The following MAP3K4 variants were observed in gnomAD, a reference collection of about 807,000 sequenced individuals.
The protein encoded by MAP3K4 is mitogen-activated protein kinase kinase kinase 4.
MAP3K4 carries 67 observed loss-of-function variants against 185.6 expected under a neutral mutation model. The observed-to-expected ratio is 0.36, with a 90% CI of 0.30 to 0.44. MAP3K4 has a LOEUF of 0.44. Among genes scored for constraint, MAP3K4 ranks in the 20% least tolerant of loss-of-function variants. The pLI, the probability that MAP3K4 is intolerant of heterozygous loss-of-function variation, is 1.00. For synonymous variants in MAP3K4, 702 were observed against 710.4 expected (o/e 0.99, Z 0.19); for missense variants, 1,551 against 1,995.1 (o/e 0.78, Z 4.24).
intron 3 of MAP3K4, among the ~76,000 whole-genome samples, chr6:161,065,811 GCC>G (rs1340980042): frequency 2.6e-5 from 4 of 151,868 alleles, no homozygotes; most frequent in Non-Finnish European, 5.9e-5. Context: ...GGTGGCGGGA[GCC>G]TGTAGTCCCA....
intron 2 of MAP3K4, among the ~76,000 whole-genome samples, chr6:161,038,620 A>G (rs1039867220): frequency 3.3e-5 from 5 of 152,242 alleles, no homozygotes; most frequent in African/African-American, 4.8e-5. Context: ...GTAACAAACC[A>G]CTGTGAAACT....
intron 4 of MAP3K4, among the ~76,000 whole-genome samples, chr6:161,072,843 T>C (rs1329068517): frequency 6.6e-6 from 1 of 152,202 alleles, no homozygotes; most frequent in Non-Finnish European, 1.5e-5. Flanking sequence ...CTGCCCACGT[T>C]TGGCAGGTTA....
chr6:161,052,672 A>AT (rs1296263003), intron 3 of MAP3K4, among the ~76,000 whole-genome samples: 1 of 152,188 alleles, frequency 6.6e-6, no homozygotes, highest in Non-Finnish European at 1.5e-5. Flanking sequence ...TTAGTGGGAA[A>AT]GTAAGATTTT....
intron 6 of MAP3K4, among the ~76,000 whole-genome samples, chr6:161,083,389 A>G (rs1279617684): frequency 6.6e-6 from 1 of 152,282 alleles, no homozygotes; most frequent in East Asian, 1.9e-4. Context: ...TAGGCACTCA[A>G]TATTTGTTGA....
In MAP3K4 at chr6:161,070,069, A is replaced by G. The variant is rs1367397726; in HGVS notation, c.1708-539A>G. Among the ~76,000 whole-genome samples the G allele has an allele frequency of 3.9e-5, 6 of 152,166 alleles. No individual in the cohort carries two copies. The highest frequency in any genetic ancestry group is 1.4e-4 in the African/African-American group (6 of 41,438). ...CATGCCAACCAGGTTGATCTTAACGATTTTTTAATTTTTCTGTCAGCATCG... is the reference window on the plus strand; with the variant it reads ...CATGCCAACCAGGTTGATCTTAACGGTTTTTTAATTTTTCTGTCAGCATCG... On this transcript the variant is annotated intron_variant, in intron 3 of 26. Transcript: ENST00000392142. The surrounding 1 kb of genome is among the most constrained non-coding windows in gnomAD (Gnocchi z 4.5).
In MAP3K4 at chr6:161,080,302, G is replaced by A. The variant is rs979889813; in HGVS notation, c.2098-579G>A. On this transcript the variant is annotated intron_variant, in intron 5 of 26. Transcript: ENST00000392142. This position sits in a 1 kb window ranked among gnomAD's most constrained non-coding sequence, Gnocchi z 4.8. ...GGGATAAATCTAAAGGAGGATTTAA[G>A]AACGGGAAAGCTGTTGTAATAGGAC... 2.6e-5 allele frequency among the ~76,000 whole-genome samples: 4 copies of A among 152,206 alleles called. No individual in the cohort carries two copies. Among genetic ancestry groups the A allele is most frequent in the African/African-American group, 9.7e-5 (4 of 41,440 alleles).
Position 161,088,000 on chromosome 6 carries a change from T to G in MAP3K4, c.2823+46T>G, listed in dbSNP as rs1785826521. The G allele has an allele frequency of 1.3e-6, 2 of 1,566,306 alleles. No homozygotes were observed. The highest frequency in any genetic ancestry group is 2.4e-5 in the South Asian group (2 of 84,212). Reference sequence around the variant, plus strand: ...TGCAGCAGTGTTACTTCAAGGACTTTTAGTAAGAATGAACTGTTAGCTGCT... The same window carrying G: ...TGCAGCAGTGTTACTTCAAGGACTTGTAGTAAGAATGAACTGTTAGCTGCT... On this transcript the variant is annotated intron_variant, in intron 10 of 26. Coordinates refer to ENST00000392142, the MANE Select transcript of MAP3K4 (RefSeq NM_005922.4). This position sits in a 1 kb window ranked among gnomAD's most constrained non-coding sequence, Gnocchi z 4.9.
rs1781096490 is a variant in MAP3K4, at chr6:160,998,234, C to T, written c.152+6151C>T. 2.6e-5 allele frequency among the ~76,000 whole-genome samples: 4 copies of T among 152,070 alleles called. No homozygotes were observed. In the South Asian group the frequency reaches 8.3e-4, roughly 32 times the overall value. ...CTCCTGATTTGATGTGAGCTAATCT[C>T]TATTTGTGCTTAAACTATTAATTTG... On this transcript the variant is annotated intron_variant, in intron 1 of 26. Coordinates refer to ENST00000392142, the MANE Select transcript of MAP3K4 (RefSeq NM_005922.4).
Position 161,017,894 on chromosome 6 carries a change from C to G in MAP3K4, c.153-16365C>G, listed in dbSNP as rs996530997. Among the ~76,000 whole-genome samples, 2 of 152,118 alleles carry G rather than the reference C, an allele frequency of 1.3e-5. No individual in the cohort carries two copies. The highest frequency in any genetic ancestry group is 6.5e-5 in the Admixed American group (1 of 15,276). ...ATGTTATTATAACCCTAAAAATACA[C>G]AGAACAGTTTTTTTAGATTAAAAAA... is the stretch of plus-strand genomic sequence containing the variant. On this transcript the variant is annotated intron_variant, in intron 1 of 26. Coordinates refer to ENST00000392142, the MANE Select transcript of MAP3K4 (RefSeq NM_005922.4). The surrounding 1 kb of genome is among the most constrained non-coding windows in gnomAD (Gnocchi z 5.1).
Position 161,103,185 on chromosome 6 carries a change from T to C in MAP3K4, c.3856+406T>C, listed in dbSNP as rs1362886397. On this transcript the variant is annotated intron_variant, in intron 19 of 26. Coordinates refer to ENST00000392142, the MANE Select transcript of MAP3K4 (RefSeq NM_005922.4). This position sits in a 1 kb window ranked among gnomAD's most constrained non-coding sequence, Gnocchi z 4.6. ...GCAGAAAAATCATTGGTCTAGTATT[T>C]AATGATCTATAAAATGCTTTCATGT... Among the ~76,000 whole-genome samples the C allele has an allele frequency of 6.6e-6, 1 of 152,214 alleles. No individual in the cohort carries two copies. The highest frequency in any genetic ancestry group is 2.4e-5 in the African/African-American group (1 of 41,450).
At chr6:160,992,946 G>T (rs960317936) in intron 1 of MAP3K4, among the ~76,000 whole-genome samples, 1 of 151,928 alleles carries the variant, frequency 6.6e-6, no homozygotes, top group Non-Finnish European at 1.5e-5. Flanking sequence ...CTTGCAAACT[G>T]CTGCCCCCTG....
rs139546038 is a variant in MAP3K4 at position 161,087,822 on chromosome 6, C to T, written c.2691C>T (p.Ile897=). The T allele has an allele frequency of 8.7e-6, 14 of 1,614,136 alleles. No homozygotes were observed. The South Asian group carries it at 1.2e-4, about 14-fold the overall frequency. ...DCSKDSDDVL[I]DAYLLLTKHG... ...CAAAAGATTCAGATGACGTACTCAT[C>T]GATGCCTATCTGCTTCTGACCAAGC... Residue 897 remains isoleucine (I), a synonymous_variant, in exon 10 of 27, where the codon ATC becomes ATT. Transcript: ENST00000392142. The surrounding 1 kb of genome is among the most constrained non-coding windows in gnomAD (Gnocchi z 4.9).
rs181196740 is a variant in MAP3K4, at chr6:161,082,060, G to T, written c.2255+1022G>T. On this transcript the variant is annotated intron_variant, in intron 6 of 26. Coordinates refer to ENST00000392142, the MANE Select transcript of MAP3K4 (RefSeq NM_005922.4). This position sits in a 1 kb window ranked among gnomAD's most constrained non-coding sequence, Gnocchi z 4.2. Reference sequence around the variant, plus strand: ...CTCCTATGTTCAGTCTCGGAATCTCGTATCCACTTCTCTGTTCTAATGGCC... The same window carrying T: ...CTCCTATGTTCAGTCTCGGAATCTCTTATCCACTTCTCTGTTCTAATGGCC... Among the ~76,000 whole-genome samples the T allele has an allele frequency of 6.6e-6, 1 of 151,802 alleles. No homozygotes were observed. The highest frequency in any genetic ancestry group is 1.5e-5 in the Non-Finnish European group (1 of 67,956).
intron 1 of MAP3K4, among the ~76,000 whole-genome samples, chr6:161,009,474 T>A (rs920683355): frequency 1.3e-5 from 2 of 152,212 alleles, no homozygotes; most frequent in Non-Finnish European, 2.9e-5. Context: ...AGATATCTCA[T>A]GTAAGTGGAA....
In MAP3K4 at chr6:161,084,884, C is replaced by T. The variant is rs933842546; in HGVS notation, c.2372+267C>T. Among the ~76,000 whole-genome samples the T allele has an allele frequency of 1.1e-4, 16 of 152,184 alleles. No homozygotes were observed. Among genetic ancestry groups the T allele is most frequent in the Admixed American group, 7.9e-4 (12 of 15,284 alleles). On this transcript the variant is annotated intron_variant, in intron 7 of 26. Coordinates refer to ENST00000392142, the MANE Select transcript of MAP3K4 (RefSeq NM_005922.4). This position sits in a 1 kb window ranked among gnomAD's most constrained non-coding sequence, Gnocchi z 4.6. ...CCAACTGGCTGGGCGCGGTGGCTCACGCCTGTAATCCCAGTACTTTGGGAG... is the reference window on the plus strand; with the variant it reads ...CCAACTGGCTGGGCGCGGTGGCTCATGCCTGTAATCCCAGTACTTTGGGAG...
At position 161,077,406 on chromosome 6, in the gene MAP3K4, A is replaced by AT. The variant is rs900616548; in HGVS notation, c.2098-3468dup. ...TGATACTTGTAGAATACTTTTTAGA[A>AT]TTTTTTTAGCCTCTTTGCTTTTTAA... On this transcript the variant is annotated intron_variant, in intron 5 of 26. Transcript: ENST00000392142. The surrounding 1 kb of genome is among the most constrained non-coding windows in gnomAD (Gnocchi z 4.3). 5.9e-5 allele frequency among the ~76,000 whole-genome samples: 9 copies of AT among 152,196 alleles called. No individual in the cohort carries two copies. The highest frequency in any genetic ancestry group is 1.2e-4 in the Non-Finnish European group (8 of 68,034).
chr6:161,049,033 G>C lies in MAP3K4; in HGVS notation c.761G>C (p.Gly254Ala). Residue 254 changes from glycine (G) to alanine (A), a missense_variant, in exon 3 of 27, where the codon GGT becomes GCT. Around this residue, in one of 16 missense-constraint regions of MAP3K4, gnomAD observed 69 missense variants for 124.8 expected, o/e 0.55. Coordinates refer to ENST00000392142, the MANE Select transcript of MAP3K4 (RefSeq NM_005922.4). The surrounding 1 kb of genome is among the most constrained non-coding windows in gnomAD (Gnocchi z 8.4). ...CAAAGAGGACAAGAAAATACGTCTGGTTTCTGGCTTAACCGATCTAACGAA... is the reference window on the plus strand; with the variant it reads ...CAAAGAGGACAAGAAAATACGTCTGCTTTCTGGCTTAACCGATCTAACGAA... The part of the protein sequence containing the change: ...REQRGQENTS[G>A]FWLNRSNELI... 1 of 1,614,074 alleles carries C rather than the reference G, an allele frequency of 6.2e-7. No homozygotes were observed. Among genetic ancestry groups the C allele is most frequent in the Non-Finnish European group, 8.5e-7 (1 of 1,179,966 alleles).
At chr6:161,036,728 T>G (rs1281424990) in intron 2 of MAP3K4, among the ~76,000 whole-genome samples, 1 of 152,200 alleles carries the variant, frequency 6.6e-6, no homozygotes, top group Non-Finnish European at 1.5e-5. Context: ...TTTTGAATAA[T>G]GTAATAACCC....
At chr6:161,038,842 G>A (rs1450163604) in intron 2 of MAP3K4, among the ~76,000 whole-genome samples, 1 of 152,098 alleles carries the variant, frequency 6.6e-6, no homozygotes, top group African/African-American at 2.4e-5. Flanking sequence ...CATCCACGAT[G>A]GCTCCCTCAC....
Sources: gnomAD v4.1 joint callset for allele counts (sites outside exome capture counted in the v4.1 genomes callset) on GRCh38, gnomAD v4.1.1 for gene constraint, gnomAD v4.1.1 regional missense constraint, Gnocchi (gnomAD v3.1) non-coding constraint, MANE v1.5 for transcripts, NCBI Gene and HGNC (gene_info 2026-07-23, HGNC 2026-07-21) for gene names.